TBC1D9B: variants seen among roughly 807,000 people sequenced by gnomAD.
TBC1D9B encodes the protein TBC1 domain family member 9B, also known as TBC1 domain family, member 9B (with GRAM domain).
In TBC1D9B, 87 loss-of-function variants were observed where a neutral mutation model predicts 121.1. The ratio of observed to expected loss-of-function variants is 0.72; its 90% CI spans 0.60 to 0.86. The LOEUF (loss-of-function observed/expected upper bound fraction) is 0.86. TBC1D9B is among the 40% of genes least tolerant of loss of function. The pLI is 0.00. For missense variants in TBC1D9B, 1,540 were observed against 1,628.6 expected, an observed-to-expected ratio of 0.95 and a Z score of 0.94; for synonymous variants, 668 against 670.1, an observed-to-expected ratio of 1.00 and a Z score of 0.05.
chr5:179,883,863 A>C (rs1760605628), intron 7 of TBC1D9B, among the ~76,000 whole-genome samples: 1 of 152,124 alleles, frequency 6.6e-6, no homozygotes, highest in South Asian at 2.1e-4. Context: ...TGTGGGTCAG[A>C]GTAGCTTTCT....
At chr5:179,884,290 G>A (rs1324070328) in intron 7 of TBC1D9B, 1 of 152,150 alleles carries the variant, frequency 6.6e-6, no homozygotes, top group Non-Finnish European at 1.5e-5. Context: ...TCTCTTGTGA[G>A]GGGTATTCTG....
rs146504999 is a variant in TBC1D9B at position 179,886,239 on chromosome 5, C to G, written c.1254+1864G>C. On this transcript the variant is annotated intron_variant, in intron 7 of 20. Transcript: ENST00000355235. Reference sequence around the variant, plus strand: ...GTATGTTTATTTGCTTACTGCCTCCCTCACTGGAATACAGCTCTAAGTGAA... The same window carrying G: ...GTATGTTTATTTGCTTACTGCCTCCGTCACTGGAATACAGCTCTAAGTGAA... Among the ~76,000 whole-genome samples the G allele has an allele frequency of 5.2e-3, 790 of 152,320 alleles. 8 individuals are homozygous for G. Among genetic ancestry groups the G allele is most frequent in the African/African-American group, 0.018 (763 of 41,582 alleles).
chr5:179,888,482 C>T (rs893548061), intron 6 of TBC1D9B, among the ~76,000 whole-genome samples, 170 bp from the exon 7 acceptor site: 1 of 152,152 alleles, frequency 6.6e-6, no homozygotes, highest in African/African-American at 2.4e-5. Context: ...TAACCCCGAG[C>T]AAGTTGCCTG....
rs1759913868 is a variant in TBC1D9B, at chr5:179,863,639, T to C, written c.3511A>G (p.Ile1171Val). The change falls in exon 21 of 21, where the codon ATC becomes GTC. Residue 1171 changes from isoleucine (I) to valine (V), a missense_variant. Transcript: ENST00000355235. This position sits in a 1 kb window ranked among gnomAD's most constrained non-coding sequence, Gnocchi z 4.5. Reference sequence around the variant, plus strand: ...CAGTCGGTGTCGACGGTGCCGCCGATGCGCGCTGTGGGGCTGCAGGCCTCC... The same window carrying C: ...CAGTCGGTGTCGACGGTGCCGCCGACGCGCGCTGTGGGGCTGCAGGCCTCC... ...GGEACSPTAR[I>V]GGTVDTDWCI... The C allele has an allele frequency of 3.1e-6, 5 of 1,613,840 alleles. No individual in the cohort carries two copies. Among genetic ancestry groups the C allele is most frequent in the East Asian group, 4.5e-5 (2 of 44,882 alleles).
At chr5:179,894,698 A>T (rs1204470082) in intron 3 of TBC1D9B, 84 bp from the exon 4 acceptor site, 1 of 1,412,740 alleles carries the variant, frequency 7.1e-7, no homozygotes, top group Non-Finnish European at 9.8e-7. Flanking sequence ...CAGGGAACCC[A>T]GGACTCATGG....
Position 179,875,337 on chromosome 5 carries a change from C to T in TBC1D9B, c.1901-150G>A, listed in dbSNP as rs1302988841. On this transcript the variant is annotated intron_variant, in intron 11 of 20. Transcript: ENST00000355235. The surrounding 1 kb of genome is among the most constrained non-coding windows in gnomAD (Gnocchi z 4.5). ...TTGGAGTGCTGGGAGAAAACAAGGA[C>T]GAAAAAACCCTTCAAGTCTCTCTAC... 7 of 966,450 alleles carry T rather than the reference C, an allele frequency of 7.2e-6. No individual in the cohort carries two copies. In the East Asian group the frequency reaches 1.1e-4, roughly 15 times the overall value. The allele number at this position is 966,450 out of a possible 1,614,324, so 59.9% of individuals were successfully genotyped here.
At position 179,878,317 on chromosome 5, in the gene TBC1D9B, A is replaced by G; in HGVS notation, c.1774T>C (p.Tyr592His). Residue 592 changes from tyrosine (Y) to histidine (H), a missense_variant, in exon 10 of 21, where the codon TAC becomes CAC. Transcript: ENST00000355235. ...CCTGTCAGGCCCCTTACCTGGCAGT[A>G]GCCGATGGTGGGGTTTCGGAAGGCA... Reference protein sequence around the residue: ...AYAFRNPTIGYCQAMNIVTSV... With the variant: ...AYAFRNPTIGHCQAMNIVTSV... 1.2e-6 allele frequency: 2 copies of G among 1,612,280 alleles called. No homozygotes were observed. Among genetic ancestry groups the G allele is most frequent in the Non-Finnish European group, 1.7e-6 (2 of 1,179,648 alleles).
Position 179,884,027 on chromosome 5 carries a change from T to C in TBC1D9B, c.1254+4076A>G, listed in dbSNP as rs1760608586. 2.0e-5 allele frequency among the ~76,000 whole-genome samples: 3 copies of C among 152,212 alleles called. No individual in the cohort carries two copies. The South Asian group carries it at 6.2e-4, about 32-fold the overall frequency. On this transcript the variant is annotated intron_variant, in intron 7 of 20. Coordinates refer to ENST00000355235, the MANE Select transcript of TBC1D9B (RefSeq NM_015043.4). The stretch of plus-strand genomic sequence containing the variant: ...GCTCTGTTCAATCCCAGTCCTTTTT[T>C]TCTTGGGGTGAGCTCTTGTCTTTCA...
chr5:179,879,406 C>G, intron 8 of TBC1D9B: 1 of 1,033,350 alleles, frequency 9.7e-7, no homozygotes, highest in Non-Finnish European at 1.4e-6. Flanking sequence ...CCCTTCCCTT[C>G]AGAGGCCTGG....
At chr5:179,899,893 G>C (rs1761120271) in intron 2 of TBC1D9B, among the ~76,000 whole-genome samples, 1 of 152,218 alleles carries the variant, frequency 6.6e-6, no homozygotes, top group African/African-American at 2.4e-5. Flanking sequence ...ACCTAGGAGG[G>C]AGGGGGTCCC....
chr5:179,899,354 G>T, intron 2 of TBC1D9B, 47 bp from the exon 3 acceptor site: 1 of 1,510,200 alleles, frequency 6.6e-7, no homozygotes, highest in Non-Finnish European at 9.2e-7. Context: ...AATTCCCCAG[G>T]CCTTAAACGC....
intron 8 of TBC1D9B, 146 bp from the exon 9 acceptor site, chr5:179,879,343 C>A: frequency 7.7e-7 from 1 of 1,305,868 alleles, no homozygotes; most frequent in Non-Finnish European, 1.0e-6. Context: ...AAGACCAGGC[C>A]GCGCTGAGCC....
chr5:179,863,735 A>C lies in TBC1D9B; in HGVS notation c.3415T>G (p.Ser1139Ala). 8.7e-6 allele frequency: 14 copies of C among 1,613,366 alleles called. No homozygotes were observed. Among genetic ancestry groups the C allele is most frequent in the Non-Finnish European group, 1.2e-5 (14 of 1,179,950 alleles). Reference sequence around the variant, plus strand: ...GAGCCCGTGCTGACCACCGAGTAGGAGGACATGGACATGTCGTCTTTGGTT... The same window carrying C: ...GAGCCCGTGCTGACCACCGAGTAGGCGGACATGGACATGTCGTCTTTGGTT... ...DETKDDMSMS[S>A]YSVVSTGSLQ... The change falls in exon 21 of 21, where the codon TCC becomes GCC. Residue 1139 changes from serine to alanine, a missense_variant. Transcript: ENST00000355235. The surrounding 1 kb of genome is among the most constrained non-coding windows in gnomAD (Gnocchi z 4.5).
At position 179,871,690 on chromosome 5, in the gene TBC1D9B, C is replaced by T. The variant is rs146923824; in HGVS notation, c.2416-160G>A. On this transcript the variant is annotated intron_variant, in intron 14 of 20. Transcript: ENST00000355235. ...GCGGACCCTTCGGGAGAGAGCGAGG[C>T]CCACAGCCCATCCCTGGCCCCCCAC... 1.7e-3 allele frequency: 1,109 copies of T among 662,472 alleles called. 8 individuals are homozygous for T. The African/African-American group carries it at 0.018, about 11-fold the overall frequency. 41.0% of individuals were successfully genotyped at this position (662,472 alleles called of 1,614,324 possible). A position where few individuals can be genotyped will look rare whatever the true frequency, so the allele number is the denominator to read the frequency against.
chr5:179,877,854 C>T (rs1006989020), intron 10 of TBC1D9B, among the ~76,000 whole-genome samples: 4 of 152,046 alleles, frequency 2.6e-5, no homozygotes, highest in African/African-American at 4.8e-5. Context: ...ACACAGTAGT[C>T]AAATTCATAG....
At chr5:179,900,462 G>A (rs1222634727) in intron 2 of TBC1D9B, among the ~76,000 whole-genome samples, 1 of 152,066 alleles carries the variant, frequency 6.6e-6, no homozygotes, top group Non-Finnish European at 1.5e-5. Flanking sequence ...GGGACAGGAG[G>A]CCCACCCACC....
rs1432729743 is a variant in TBC1D9B, at chr5:179,890,780, A to T, written c.1044+599T>A. Among the ~76,000 whole-genome samples the T allele has an allele frequency of 6.6e-6, 1 of 152,096 alleles. No individual in the cohort carries two copies. The highest frequency in any genetic ancestry group is 1.5e-5 in the Non-Finnish European group (1 of 68,006). On this transcript the variant is annotated intron_variant, in intron 6 of 20. Transcript: ENST00000355235. This position sits in a 1 kb window ranked among gnomAD's most constrained non-coding sequence, Gnocchi z 5.0. Reference sequence around the variant, plus strand: ...AAGGGCCCTTGTCCTTGCTGTCCACACCCCTTCGGTGCAGTGCAGGACAGA... The same window carrying T: ...AAGGGCCCTTGTCCTTGCTGTCCACTCCCCTTCGGTGCAGTGCAGGACAGA...
At position 179,869,668 on chromosome 5, in the gene TBC1D9B, G is replaced by A. The variant is rs536419499; in HGVS notation, c.2791+101C>T. 4.3e-4 allele frequency: 557 copies of A among 1,297,382 alleles called. 3 individuals are homozygous for A. Among genetic ancestry groups the A allele is most frequent in the African/African-American group, 3.0e-3 (203 of 67,444 alleles). 80.4% of individuals were successfully genotyped at this position (1,297,382 alleles called of 1,614,324 possible). A position where few individuals can be genotyped will look rare whatever the true frequency, so the allele number is the denominator to read the frequency against. On this transcript the variant is annotated intron_variant, in intron 17 of 20. Coordinates refer to ENST00000355235, the MANE Select transcript of TBC1D9B (RefSeq NM_015043.4). ...AACCTCCAGCCTGCGACGCTGCTGT[G>A]CCCCCTCGAGGCCCCACAGTCTCAC...
At chr5:179,884,795 C>G (rs1264683172) in intron 7 of TBC1D9B, among the ~76,000 whole-genome samples, 2 of 152,142 alleles carry the variant, frequency 1.3e-5, no homozygotes, top group Admixed American at 1.3e-4. Flanking sequence ...TGTGCATTAC[C>G]TAGAATAGTT....
Sources: gnomAD v4.1 joint callset for allele counts (sites outside exome capture counted in the v4.1 genomes callset) on GRCh38, gnomAD v4.1.1 for gene constraint, Gnocchi (gnomAD v3.1) non-coding constraint, MANE v1.5 for transcripts, NCBI Gene and HGNC (gene_info 2026-07-23, HGNC 2026-07-21) for gene names.